Variants in DSCAM observed in about 807,000 individuals in gnomAD.
The protein encoded by DSCAM is cell adhesion molecule DSCAM.
A neutral mutation model predicts 217.7 loss-of-function variants in DSCAM; 47 were observed. The ratio of observed to expected loss-of-function variants is 0.22; its 90% CI spans 0.17 to 0.28. The LOEUF (loss-of-function observed/expected upper bound fraction) is 0.28, where lower values mean the gene tolerates loss of function less well. DSCAM is among the 10% of genes least tolerant of loss of function. The pLI is 1.00. For missense variants in DSCAM, 2,080 were observed against 2,618.3 expected, an observed-to-expected ratio of 0.79 and a Z score of 4.49; for synonymous variants, 1,056 against 1,015.3, an observed-to-expected ratio of 1.04 and a Z score of -0.76.
intron 3 of DSCAM, among the ~76,000 whole-genome samples, chr21:40,478,766 C>T (rs965302895): frequency 5.3e-5 from 8 of 152,138 alleles, no homozygotes; most frequent in Admixed American, 5.2e-4. Context: ...TTCCAAGACC[C>T]CCAATGGATG....
intron 3 of DSCAM, among the ~76,000 whole-genome samples, chr21:40,393,770 T>C (rs2837612): frequency 0.68 from 103,685 of 151,986 alleles, 36,296 homozygotes; most frequent in African/African-American, 0.83. Flanking sequence ...GCTTATTTTA[T>C]TTGATCCTTT....
chr21:40,543,666 G>A (rs1411763359), intron 3 of DSCAM, among the ~76,000 whole-genome samples: 1 of 152,052 alleles, frequency 6.6e-6, no homozygotes, highest in African/African-American at 2.4e-5. Context: ...TCCAAACCCT[G>A]TCTACTTGGT....
intron 10 of DSCAM, among the ~76,000 whole-genome samples, chr21:40,285,772 C>T (rs1209372712): frequency 6.6e-6 from 1 of 152,112 alleles, no homozygotes; most frequent in Admixed American, 6.5e-5. Context: ...TTATTTTTAC[C>T]ATGTGTGCCA....
intron 3 of DSCAM, among the ~76,000 whole-genome samples, chr21:40,606,583 G>T (rs62223604): frequency 2.6e-5 from 4 of 152,076 alleles, no homozygotes; most frequent in African/African-American, 9.7e-5. Flanking sequence ...TTTACCAAAC[G>T]GGTGCATGGG....
chr21:40,323,583 C>G (rs1313910358), intron 8 of DSCAM, among the ~76,000 whole-genome samples: 1 of 152,116 alleles, frequency 6.6e-6, no homozygotes, highest in African/African-American at 2.4e-5. Context: ...TGCTCACTAA[C>G]TTAAAAAAAA....
chr21:40,249,300 A>G (rs1370844579), intron 11 of DSCAM, among the ~76,000 whole-genome samples: 1 of 152,158 alleles, frequency 6.6e-6, no homozygotes, highest in Non-Finnish European at 1.5e-5. Flanking sequence ...GATAATCTGA[A>G]TCATAGGGGT....
intron 1 of DSCAM, among the ~76,000 whole-genome samples, chr21:40,844,401 T>A (rs1029390821): frequency 6.6e-6 from 1 of 152,200 alleles, no homozygotes; most frequent in African/African-American, 2.4e-5. Context: ...GAGGGGCATT[T>A]TTATACAAGA....
At chr21:40,633,378 G>C (rs908593226) in intron 3 of DSCAM, among the ~76,000 whole-genome samples, 1 of 152,176 alleles carries the variant, frequency 6.6e-6, no homozygotes, top group African/African-American at 2.4e-5. Flanking sequence ...CTCTCTGCAA[G>C]AGCAGGGACC....
At chr21:40,306,233 GCT>G (rs1175840896) in intron 9 of DSCAM, among the ~76,000 whole-genome samples, 3 of 144,240 alleles carry the variant, frequency 2.1e-5, no homozygotes, top group Non-Finnish European at 3.0e-5. Flanking sequence ...TCATAATTTG[GCT>G]CTCTGTTTGT....
At chr21:40,164,857 A>G (rs534347616) in intron 16 of DSCAM, among the ~76,000 whole-genome samples, 1 of 152,326 alleles carries the variant, frequency 6.6e-6, no homozygotes, top group South Asian at 2.1e-4. Flanking sequence ...TATTTTGATC[A>G]ATAGAGGGTG....
chr21:40,432,441 A>T (rs1338288102), intron 3 of DSCAM, among the ~76,000 whole-genome samples: 1 of 151,940 alleles, frequency 6.6e-6, no homozygotes, highest in Non-Finnish European at 1.5e-5. Flanking sequence ...CCTCTGTCTT[A>T]TGAGGACCCT....
intron 3 of DSCAM, among the ~76,000 whole-genome samples, chr21:40,517,029 GTA>G (rs772144832): frequency 2.0e-3 from 279 of 139,914 alleles, no homozygotes; most frequent in South Asian, 6.7e-3. Context: ...ACTAACATAT[GTA>G]TATATATATA....
At chr21:40,593,005 G>A (rs1308668240) in intron 3 of DSCAM, among the ~76,000 whole-genome samples, 1 of 152,218 alleles carries the variant, frequency 6.6e-6, no homozygotes, top group Non-Finnish European at 1.5e-5. Context: ...GAAGTTAAAT[G>A]TTTGAAGAGC....
At chr21:40,191,176 A>G (rs2090949070) in intron 11 of DSCAM, among the ~76,000 whole-genome samples, 1 of 152,172 alleles carries the variant, frequency 6.6e-6, no homozygotes, top group African/African-American at 2.4e-5. Context: ...ATGGCTTACT[A>G]GAGAGGTTTG....
chr21:40,174,549 A>C (rs2090701084), intron 15 of DSCAM, among the ~76,000 whole-genome samples: 1 of 149,308 alleles, frequency 6.7e-6, no homozygotes, highest in Non-Finnish European at 1.5e-5. Flanking sequence ...TTTTTTTTAA[A>C]GATGAAAAAA....
chr21:40,440,942 G>T (rs1296633338), intron 3 of DSCAM, among the ~76,000 whole-genome samples: 1 of 152,164 alleles, frequency 6.6e-6, no homozygotes, highest in East Asian at 1.9e-4. Flanking sequence ...GAGCTTTGAG[G>T]ACACTCTCTT....
chr21:40,729,556 T>A (rs2090991515), intron 1 of DSCAM, among the ~76,000 whole-genome samples: 2 of 152,172 alleles, frequency 1.3e-5, no homozygotes, highest in Non-Finnish European at 2.9e-5. Context: ...CACTTAACAT[T>A]TAGATAGATT....
chr21:40,342,644 ATATATT>A (rs1410937144), intron 6 of DSCAM, among the ~76,000 whole-genome samples: 1,026 of 89,232 alleles, frequency 0.011, 18 homozygotes, highest in African/African-American at 0.046. Context: ...ATATATATAT[ATATATT>A]TTTTTTTTTT....
intron 8 of DSCAM, among the ~76,000 whole-genome samples, chr21:40,324,508 A>G (rs2074297269): frequency 6.6e-6 from 1 of 152,182 alleles, no homozygotes; most frequent in African/African-American, 2.4e-5. Context: ...TCTTGGGGCC[A>G]TTTGAGTCTT....
Sources: allele counts gnomAD v4.1 joint callset (sites outside exome capture counted in the v4.1 genomes callset), GRCh38; gene constraint gnomAD v4.1.1; transcripts MANE v1.5; gene names NCBI Gene and HGNC (gene_info 2026-07-23, HGNC 2026-07-21).